The following TICRR variants were observed in gnomAD, a reference collection of about 807,000 sequenced individuals.
TICRR encodes TOPBP1 interacting checkpoint and replication regulator.
TICRR carries 132 observed loss-of-function variants against 178.1 expected under a neutral mutation model. The observed-to-expected ratio is 0.74, with a 90% CI of 0.64 to 0.86. TICRR has a LOEUF of 0.86. Ranked by LOEUF, TICRR falls within the 40% of genes least tolerant of loss-of-function variation. The probability of loss-of-function intolerance (pLI) is 0.00; values close to 1 mark genes in which losing one functional copy is unlikely to be tolerated. For synonymous variants in TICRR, 991 were observed against 900.7 expected (o/e 1.10, Z -1.79); for missense variants, 2,587 against 2,334.3 (o/e 1.11, Z -2.23).
Position 89,608,891 on chromosome 15 carries a change from T to C in TICRR, c.2811T>C (p.His937=), listed in dbSNP as rs774337355. ...TAAAGCGGGGGTTGCCTAGAAGCCA[T>C]TCTGTGTCAGCTGTGGATGGTCTAG... is the stretch of plus-strand genomic sequence containing the variant. ...RSLKRGLPRS[H]SVSAVDGLED... The change falls in exon 15 of 22, where the codon CAT becomes CAC. Residue 937 remains histidine (H), a synonymous_variant. Coordinates refer to ENST00000268138, the MANE Select transcript of TICRR (RefSeq NM_152259.4). 1.1e-5 allele frequency: 17 copies of C among 1,611,370 alleles called. No individual in the cohort carries two copies. The highest frequency in any genetic ancestry group is 1.4e-5 in the Non-Finnish European group (17 of 1,179,160).
intron 4 of TICRR, among the ~76,000 whole-genome samples, chr15:89,591,184 G>A (rs576846852): frequency 1.3e-5 from 2 of 152,298 alleles, no homozygotes; most frequent in East Asian, 3.9e-4. Flanking sequence ...GGAGTGCAGT[G>A]GCGTGATCTC....
intron 17 of TICRR, among the ~76,000 whole-genome samples, chr15:89,619,221 C>CTT (rs386383750): frequency 0.025 from 2,788 of 111,864 alleles, 242 homozygotes; most frequent in African/African-American, 0.09. Flanking sequence ...CACCATTCTT[C>CTT]TTTTTTTTTT....
Position 89,592,072 on chromosome 15 carries a change from G to A in TICRR, c.1437G>A (p.Gln479=). The change falls in exon 5 of 22, where the codon CAG becomes CAA. Residue 479 remains glutamine, a synonymous_variant. Coordinates refer to ENST00000268138, the MANE Select transcript of TICRR (RefSeq NM_152259.4). ...SAASPVPEWA[Q]QELGHTTPWS... ...CTTCTCCTGTTCCAGAGTGGGCCCA[G>A]CAGGAGCTTGGCCACACCACTCCCT... is the stretch of plus-strand genomic sequence containing the variant. 1 of 1,611,974 alleles carries A rather than the reference G, an allele frequency of 6.2e-7. No homozygotes were observed.
chr15:89,576,752 C>T (rs1005552679), intron 1 of TICRR, among the ~76,000 whole-genome samples: 7 of 149,678 alleles, frequency 4.7e-5, no homozygotes, highest in African/African-American at 1.7e-4. Flanking sequence ...TCCATCTAGT[C>T]TAAAAATACC....
chr15:89,617,248 A>G (rs1175058289), intron 16 of TICRR, among the ~76,000 whole-genome samples: 3 of 152,210 alleles, frequency 2.0e-5, no homozygotes, highest in Non-Finnish European at 4.4e-5. Flanking sequence ...CATTATTCGT[A>G]TATGGATTTT....
At position 89,575,865 on chromosome 15, in the gene TICRR, G is replaced by A. The variant is rs957980179; in HGVS notation, c.279G>A (p.Pro93=). ...RLEDRAHLPG[P]APRATHTHGA... ...AGGATCGCGCCCACCTGCCCGGCCC[G>A]GCGCCCAGGGCCACCCACACGCACG... The change falls in exon 1 of 22, where the codon CCG becomes CCA. Residue 93 remains proline, a synonymous_variant. Coordinates refer to ENST00000268138, the MANE Select transcript of TICRR (RefSeq NM_152259.4). 1.9e-6 allele frequency: 3 copies of A among 1,585,030 alleles called. No individual in the cohort carries two copies. Among genetic ancestry groups the A allele is most frequent in the Non-Finnish European group, 1.7e-6 (2 of 1,168,418 alleles).
rs375778459 is a variant in TICRR at position 89,595,315 on chromosome 15, A to C, written c.1682-78A>C. On this transcript the variant is annotated intron_variant, in intron 6 of 21. Transcript: ENST00000268138. ...CTTCATTTTGATATTCTTTCACAGTAATCTGAATTAAAGTAGTTCTTCTTT... is the reference window on the plus strand; with the variant it reads ...CTTCATTTTGATATTCTTTCACAGTCATCTGAATTAAAGTAGTTCTTCTTT... 32 of 984,560 alleles carry C rather than the reference A, an allele frequency of 3.3e-5. No individual in the cohort carries two copies. In the East Asian group the frequency reaches 4.1e-4, roughly 13 times the overall value. The allele number at this position is 984,560 out of a possible 1,614,324, so 61.0% of individuals were successfully genotyped here.
At chr15:89,581,871 G>A (rs1021755555) in intron 1 of TICRR, among the ~76,000 whole-genome samples, 1 of 152,150 alleles carries the variant, frequency 6.6e-6, no homozygotes, top group Non-Finnish European at 1.5e-5. Flanking sequence ...TATGGTAACA[G>A]TTAGGGCAAA....
In TICRR at chr15:89,625,907, G is replaced by A. The variant is rs200006212; in HGVS notation, c.5477-29G>A. On this transcript the variant is annotated intron_variant, in intron 20 of 21. Transcript: ENST00000268138. ...GCTTCCCGGTTGGGGGTCTGGGGACGCTGCTCTTACTATGTGGGATCTCTT... is the reference window on the plus strand; with the variant it reads ...GCTTCCCGGTTGGGGGTCTGGGGACACTGCTCTTACTATGTGGGATCTCTT... 115 of 1,546,520 alleles carry A rather than the reference G, an allele frequency of 7.4e-5. No homozygotes were observed. The African/African-American group carries it at 1.3e-3, about 17-fold the overall frequency.
intron 15 of TICRR, among the ~76,000 whole-genome samples, chr15:89,613,185 A>C (rs143248038): frequency 9.6e-4 from 146 of 152,292 alleles, no homozygotes; most frequent in Middle Eastern, 3.4e-3. Context: ...TCATTTTTGA[A>C]GAATACTTTC....
Position 89,585,782 on chromosome 15 carries a change from G to A in TICRR, c.1251G>A (p.Met417Ile). 6.2e-7 allele frequency: 1 copy of A among 1,614,152 alleles called. No homozygotes were observed. Among genetic ancestry groups the A allele is most frequent in the Non-Finnish European group, 8.5e-7 (1 of 1,180,024 alleles). ...TTTCCCCACTCTCTGCCAGTGCTAT[G>A]ATCCTCACTGTGTGCCGCACCAAGG... ...GVISPLSASA[M>I]ILTVCRTKEA... The change falls in exon 4 of 22, where the codon ATG (methionine) becomes ATA (isoleucine). Residue 417 changes from methionine (M) to isoleucine (I), a missense_variant. Physicochemically the swap from Met to Ile is conservative, Grantham distance 10. Transcript: ENST00000268138.
At chr15:89,608,524 T>C (rs887889224) in intron 14 of TICRR, among the ~76,000 whole-genome samples, 1 of 152,200 alleles carries the variant, frequency 6.6e-6, no homozygotes, top group Non-Finnish European at 1.5e-5. Flanking sequence ...TTTGCACAAA[T>C]GATGCTGAGA....
At chr15:89,609,789 C>A (rs551436060) in intron 15 of TICRR, among the ~76,000 whole-genome samples, 17 of 151,416 alleles carry the variant, frequency 1.1e-4, no homozygotes, top group Admixed American at 9.8e-4. Context: ...GTTTTCTAAT[C>A]TCAGTTTCAT....
chr15:89,582,663 G>C, intron 1 of TICRR, 23 bp from the exon 2 acceptor site: 1 of 1,607,396 alleles, frequency 6.2e-7, no homozygotes, highest in Non-Finnish European at 8.5e-7. Flanking sequence ...AGTAACCTAA[G>C]GTTGTTTGTC....
intron 4 of TICRR, among the ~76,000 whole-genome samples, chr15:89,590,138 A>G (rs1032478022): frequency 1.3e-5 from 2 of 152,198 alleles, no homozygotes; most frequent in African/African-American, 2.4e-5. Context: ...GAACTATATC[A>G]TAAGCACTTT....
At position 89,619,817 on chromosome 15, in the gene TICRR, C is replaced by T. The variant is rs760656828; in HGVS notation, c.3129C>T (p.Val1043=). ...CGAAGTCTCGAAGTGTGCAAAGAGT[C>T]CACTCTTTCCAGCAAGATAAGTCAG... ...SQPKSRSVQR[V]HSFQQDKSDQ... is the part of the protein sequence containing the mutation. The change falls in exon 18 of 22, where the codon GTC becomes GTT. Residue 1043 remains valine (V), a synonymous_variant. Coordinates refer to ENST00000268138, the MANE Select transcript of TICRR (RefSeq NM_152259.4). 15 of 1,612,468 alleles carry T rather than the reference C, an allele frequency of 9.3e-6. No homozygotes were observed. The highest frequency in any genetic ancestry group is 1.2e-5 in the Non-Finnish European group (14 of 1,179,564).
chr15:89,599,250 A>G, intron 7 of TICRR, 74 bp from the exon 8 acceptor site: 1 of 1,241,172 alleles, frequency 8.1e-7, no homozygotes, highest in Non-Finnish European at 1.1e-6. Context: ...TCCCCAGTGG[A>G]CAACAACTGG....
chr15:89,619,771 CCTT>C lies in TICRR; in HGVS notation c.3086_3088del (p.Phe1029del), dbSNP rs1470477485. 6 of 1,613,878 alleles carry C rather than the reference CCTT, an allele frequency of 3.7e-6. No homozygotes were observed. Among genetic ancestry groups the C allele is most frequent in the Admixed American group, 3.3e-5 (2 of 59,948 alleles). ...TCATTTAGCAGGACACATTCTGCCT[CCTT>C]CTATTCTGTGTCTCAGCCGAAGTCT... is the stretch of plus-strand genomic sequence containing the variant. On this transcript the variant is annotated inframe_deletion, in exon 18 of 22. Coordinates refer to ENST00000268138, the MANE Select transcript of TICRR (RefSeq NM_152259.4).
chr15:89,578,658 C>CT (rs796973609), intron 1 of TICRR, among the ~76,000 whole-genome samples: 12,035 of 123,856 alleles, frequency 0.097, 1,583 homozygotes, highest in African/African-American at 0.29. Flanking sequence ...CTCTCTCTCT[C>CT]TTTTTTTTTT....
Sources: allele counts gnomAD v4.1 joint callset (sites outside exome capture counted in the v4.1 genomes callset), GRCh38; gene constraint gnomAD v4.1.1; transcripts MANE v1.5; gene names NCBI Gene and HGNC (gene_info 2026-07-23, HGNC 2026-07-21).